C4orf50: variants seen among roughly 807,000 people sequenced by gnomAD.
The protein encoded by C4orf50 is chromosome 4 open reading frame 50.
In C4orf50, 80 loss-of-function variants were observed where a neutral mutation model predicts 77.2. The observed-to-expected ratio is 1.04, with a 90% CI of 0.87 to 1.25. The LOEUF (loss-of-function observed/expected upper bound fraction) is 1.25. C4orf50 is among the 50% of genes most tolerant of loss of function. C4orf50 has a pLI of 0.00. For missense variants in C4orf50, 1,257 were observed against 1,152.9 expected, an observed-to-expected ratio of 1.09 and a Z score of -1.31; for synonymous variants, 532 against 465.3, an observed-to-expected ratio of 1.14 and a Z score of -1.84.
chr4:5,997,953 T>C (rs1301853890), intron 25 of C4orf50, among the ~76,000 whole-genome samples: 4 of 152,186 alleles, frequency 2.6e-5, no homozygotes, highest in Non-Finnish European at 4.4e-5. Flanking sequence ...TATTGGACAG[T>C]TGGGTTGTTA....
intron 25 of C4orf50, among the ~76,000 whole-genome samples, chr4:6,003,824 GAT>G (rs1721983702): frequency 5.6e-5 from 5 of 89,556 alleles, no homozygotes; most frequent in Non-Finnish European, 6.5e-5. Context: ...TGATGATGGT[GAT>G]GGTGATGATG....
At chr4:5,981,529 C>T (rs1367780105) in intron 28 of C4orf50, among the ~76,000 whole-genome samples, 1 of 151,948 alleles carries the variant, frequency 6.6e-6, no homozygotes, top group Non-Finnish European at 1.5e-5. Context: ...CTCAGCCTCC[C>T]GAGTAGCTGG....
chr4:5,960,215 C>A (rs1256089923), intron 33 of C4orf50, among the ~76,000 whole-genome samples: 2 of 152,204 alleles, frequency 1.3e-5, no homozygotes, highest in Non-Finnish European at 2.9e-5. Flanking sequence ...CATCTGATTT[C>A]AAACCTCCAC....
In C4orf50 at chr4:6,011,179, G is replaced by C. The variant is rs544151721; in HGVS notation, c.426+651C>G. Among the ~76,000 whole-genome samples the C allele has an allele frequency of 6.6e-6, 1 of 152,276 alleles. No individual in the cohort carries two copies. Among genetic ancestry groups the C allele is most frequent in the African/African-American group, 2.4e-5 (1 of 41,536 alleles). On this transcript the variant is annotated intron_variant, in intron 24 of 33. Coordinates refer to ENST00000531445, the Ensembl canonical transcript of C4orf50. The surrounding 1 kb of genome is among the most constrained non-coding windows in gnomAD (Gnocchi z 4.2). Reference sequence around the variant, plus strand: ...TCCCCAAATGACCATCTGACCCTGAGGCTTCCCTACTTAAGTCCCCTAAAG... The same window carrying C: ...TCCCCAAATGACCATCTGACCCTGACGCTTCCCTACTTAAGTCCCCTAAAG...
exon 28 of C4orf50, chr4:5,989,466 A>C (rs1039038124): frequency 6.5e-7 from 1 of 1,535,576 alleles, no homozygotes; most frequent in Middle Eastern, 1.7e-4. Flanking sequence ...AAATACCCCA[A>C]TTTCCCCAAA....
chr4:6,012,150 A>G (rs1722520912), intron 23 of C4orf50, among the ~76,000 whole-genome samples, 182 bp from the exon 2 acceptor site: 1 of 152,228 alleles, frequency 6.6e-6, no homozygotes, highest in Non-Finnish European at 1.5e-5. Flanking sequence ...CATCTATAGT[A>G]CTTCAAAGAC....
At chr4:5,961,548 G>T (rs1276427391) in intron 33 of C4orf50, among the ~76,000 whole-genome samples, 1 of 152,192 alleles carries the variant, frequency 6.6e-6, no homozygotes, top group Non-Finnish European at 1.5e-5. Context: ...TCATACAGAT[G>T]AAGCAACAGA....
At chr4:5,993,008 C>T (rs1227660169) in intron 26 of C4orf50, 78 bp from the exon 5 acceptor site, 5 of 397,126 alleles carry the variant, frequency 1.3e-5, no homozygotes, top group South Asian at 1.4e-4. Flanking sequence ...GGACCACGTC[C>T]CCCAGGCTTG....
In C4orf50 at chr4:5,970,128, T is replaced by A. The variant is rs1719822285; in HGVS notation, c.4105-2666A>T. 6.9e-6 allele frequency among the ~76,000 whole-genome samples: 1 copy of A among 145,726 alleles called. No homozygotes were observed. The highest frequency in any genetic ancestry group is 1.5e-5 in the Non-Finnish European group (1 of 66,854). Reference sequence around the variant, plus strand: ...TTCATGCTTGTGAATATCAACAGCGTAGGTCCAGGCAAAACACAGGAAAAA... The same window carrying A: ...TTCATGCTTGTGAATATCAACAGCGAAGGTCCAGGCAAAACACAGGAAAAA... On this transcript the variant is annotated intron_variant, in intron 31 of 33. Transcript: ENST00000531445. This position sits in a 1 kb window ranked among gnomAD's most constrained non-coding sequence, Gnocchi z 4.3.
intron 23 of C4orf50, among the ~76,000 whole-genome samples, chr4:6,016,804 C>G (rs1480153477): frequency 1.3e-5 from 2 of 152,174 alleles, no homozygotes; most frequent in African/African-American, 2.4e-5. Context: ...ATGCATAAAA[C>G]TTTACCAAAA....
In C4orf50 at chr4:5,986,541, T is replaced by C. The variant is rs938598357; in HGVS notation, c.3699+1806A>G. On this transcript the variant is annotated intron_variant, in intron 28 of 33. Coordinates refer to ENST00000531445, the Ensembl canonical transcript of C4orf50. The stretch of plus-strand genomic sequence containing the variant: ...CAGGGCTAGCTATAACAACGTCATT[T>C]TTTTTTTTTTTTTTTGAGACAGAGT... 0.01 allele frequency among the ~76,000 whole-genome samples: 405 copies of C among 38,934 alleles called. 3 individuals carry two copies. In the East Asian group the frequency reaches 0.41, roughly 39 times the overall value. 25.5% of individuals were successfully genotyped at this position (38,934 alleles called of 152,430 possible). A position where few individuals can be genotyped will look rare whatever the true frequency, so the allele number is the denominator to read the frequency against.
At chr4:5,977,074 C>T (rs374924302) in intron 29 of C4orf50, among the ~76,000 whole-genome samples, 30 of 152,294 alleles carry the variant, frequency 2.0e-4, no homozygotes, top group African/African-American at 7.2e-4. Context: ...AGGGAAGGCA[C>T]CAGCGGGAGC....
chr4:5,964,693 A>G (rs1160301439), intron 33 of C4orf50, among the ~76,000 whole-genome samples: 1 of 148,846 alleles, frequency 6.7e-6, no homozygotes, highest in Non-Finnish European at 1.5e-5. Context: ...GCTTGAAACC[A>G]GGAGGCAGAG....
intron 25 of C4orf50, among the ~76,000 whole-genome samples, chr4:5,997,048 G>A (rs534079178): frequency 1.3e-5 from 2 of 152,200 alleles, no homozygotes; most frequent in African/African-American, 4.8e-5. Flanking sequence ...CAAAGGAAAA[G>A]GAGAGGGAAT....
At chr4:5,899,793 C>T (rs928105487) in intron 7 of C4orf50, 1 of 152,212 alleles carries the variant, frequency 6.6e-6, no homozygotes, top group Non-Finnish European at 1.5e-5. Context: ...CAGGGCCCCA[C>T]CCAATACAAC....
Position 6,011,834 on chromosome 4 carries a change from C to A in C4orf50, c.422G>T (p.Ser141Ile). The change falls in exon 24 of 34, where the codon AGC becomes ATC. Residue 141 changes from serine to isoleucine, a missense_variant. Coordinates refer to ENST00000531445, the Ensembl canonical transcript of C4orf50. The surrounding 1 kb of genome is among the most constrained non-coding windows in gnomAD (Gnocchi z 4.2). ...GAAAGGAGAAGGAAACGGTACCTGG[C>A]TGGCCAGCTCCCCCTGCAGCGCCGC... 2 of 399,118 alleles carry A rather than the reference C, an allele frequency of 5.0e-6. No homozygotes were observed. 24.7% of individuals were successfully genotyped at this position (399,118 alleles called of 1,614,324 possible).
chr4:5,990,624 G>A (rs944349022), exon 28 of C4orf50: 8 of 398,996 alleles, frequency 2.0e-5, no homozygotes, highest in African/African-American at 8.2e-5. Flanking sequence ...GCCAAGAAGC[G>A]GAGTCCCCAG....
At chr4:6,004,241 ATG>A (rs1722088679) in intron 25 of C4orf50, among the ~76,000 whole-genome samples, 3 of 33,604 alleles carry the variant, frequency 8.9e-5, no homozygotes, top group African/African-American at 2.2e-4. Flanking sequence ...GGTGATGATG[ATG>A]GTGATGATGG....
At chr4:6,016,760 A>G (rs530584468) in intron 23 of C4orf50, among the ~76,000 whole-genome samples, 1 of 152,316 alleles carries the variant, frequency 6.6e-6, no homozygotes, top group Admixed American at 6.5e-5. Context: ...CACATAGAGT[A>G]ACAGAAGAAT....
Sources: allele counts gnomAD v4.1 joint callset (sites outside exome capture counted in the v4.1 genomes callset), GRCh38; gene constraint gnomAD v4.1.1; non-coding constraint Gnocchi (gnomAD v3.1); transcripts MANE v1.5; gene names NCBI Gene and HGNC (gene_info 2026-07-23, HGNC 2026-07-21).